Variants in ULK4 observed in about 807,000 individuals in gnomAD.
ULK4 encodes the protein unc-51 like kinase 4.
Under a neutral mutation model 160.6 loss-of-function variants are expected in ULK4, and 133 were observed. That is an observed-to-expected ratio of 0.83 (90% CI 0.72 to 0.96). The LOEUF is 0.96. Among genes scored for constraint, ULK4 ranks in the 40% least tolerant of loss-of-function variants. The pLI is 0.00. For synonymous variants in ULK4, 534 were observed against 539.8 expected, an observed-to-expected ratio of 0.99 and a Z score of 0.15; for missense variants, 1,580 against 1,499.5, an observed-to-expected ratio of 1.05 and a Z score of -0.89.
intron 31 of ULK4, among the ~76,000 whole-genome samples, chr3:41,591,010 A>G (rs76165739): frequency 0.085 from 13,003 of 152,158 alleles, 1,017 homozygotes; most frequent in East Asian, 0.46. Context: ...TCACAAACAC[A>G]CATATGTACA....
At chr3:41,532,835 C>T (rs1023396790) in intron 32 of ULK4, among the ~76,000 whole-genome samples, 1 of 152,114 alleles carries the variant, frequency 6.6e-6, no homozygotes, top group African/African-American at 2.4e-5. Flanking sequence ...TGTAGAGTTC[C>T]GATTCCAAAC....
At chr3:41,860,790 TCTTC>T (rs141422818) in intron 17 of ULK4, among the ~76,000 whole-genome samples, 18,808 of 152,206 alleles carry the variant, frequency 0.12, 1,340 homozygotes, top group Middle Eastern at 0.27. Context: ...TGTGATCTTC[TCTTC>T]CTTCTTTCTT....
intron 31 of ULK4, among the ~76,000 whole-genome samples, chr3:41,613,569 C>A (rs1322546896): frequency 1.3e-5 from 2 of 151,774 alleles, no homozygotes; most frequent in African/African-American, 4.8e-5. Flanking sequence ...TTATATCTAG[C>A]TTGGTGACAA....
chr3:41,491,147 C>T (rs916261299), intron 32 of ULK4, among the ~76,000 whole-genome samples: 4 of 152,094 alleles, frequency 2.6e-5, no homozygotes, highest in East Asian at 1.9e-4. Flanking sequence ...CAGAGGCAGA[C>T]GGCCTTAAAC....
chr3:41,798,336 T>C (rs895154625), intron 20 of ULK4, among the ~76,000 whole-genome samples: 7 of 152,344 alleles, frequency 4.6e-5, no homozygotes, highest in Admixed American at 4.6e-4. Flanking sequence ...CTCAAGAAAG[T>C]TCACTGGTAT....
At chr3:41,765,853 C>A (rs1257804162) in intron 21 of ULK4, among the ~76,000 whole-genome samples, 3 of 152,022 alleles carry the variant, frequency 2.0e-5, no homozygotes, top group Non-Finnish European at 4.4e-5. Context: ...TATGAACAGT[C>A]CAGTAAAACA....
At chr3:41,283,572 A>C (rs1457676573) in intron 35 of ULK4, among the ~76,000 whole-genome samples, 1 of 152,160 alleles carries the variant, frequency 6.6e-6, no homozygotes, top group East Asian at 1.9e-4. Flanking sequence ...ACATGTTCTC[A>C]CTCATAGGTG....
chr3:41,418,786 T>C (rs1341487028), intron 34 of ULK4, among the ~76,000 whole-genome samples: 1 of 152,212 alleles, frequency 6.6e-6, no homozygotes, highest in East Asian at 1.9e-4. Context: ...AGTCAGGCAT[T>C]GTCCTGATGC....
intron 32 of ULK4, among the ~76,000 whole-genome samples, chr3:41,489,386 G>A (rs2084665082): frequency 6.6e-6 from 1 of 152,160 alleles, no homozygotes; most frequent in African/African-American, 2.4e-5. Flanking sequence ...ACAGTGGGAT[G>A]GTAATGAGGT....
intron 27 of ULK4, among the ~76,000 whole-genome samples, chr3:41,692,531 C>A (rs1217313522): frequency 6.6e-6 from 1 of 151,552 alleles, no homozygotes; most frequent in Non-Finnish European, 1.5e-5. Context: ...CTATATGCTA[C>A]ATATTTTATG....
intron 22 of ULK4, among the ~76,000 whole-genome samples, chr3:41,737,229 CAGAG>C (rs1388509999): frequency 1.3e-5 from 2 of 151,914 alleles, no homozygotes; most frequent in African/African-American, 4.9e-5. Context: ...AACAGACAAA[CAGAG>C]AGCCAAATCA....
intron 31 of ULK4, among the ~76,000 whole-genome samples, chr3:41,611,752 C>T (rs1456678819): frequency 6.6e-6 from 1 of 152,120 alleles, no homozygotes; most frequent in Non-Finnish European, 1.5e-5. Context: ...GCGTTCTAGA[C>T]TTTTTTTGTT....
intron 32 of ULK4, among the ~76,000 whole-genome samples, chr3:41,558,440 C>T (rs1476667947): frequency 6.6e-6 from 1 of 152,074 alleles, no homozygotes; most frequent in African/African-American, 2.4e-5. Context: ...AGCAGTGGCT[C>T]ATGCCTGTAG....
At chr3:41,307,798 C>G (rs111811253) in intron 35 of ULK4, among the ~76,000 whole-genome samples, 2,029 of 152,276 alleles carry the variant, frequency 0.013, 52 homozygotes, top group African/African-American at 0.046. Flanking sequence ...CCACTGCACT[C>G]TAGCCTGGGT....
In ULK4 at chr3:41,859,244, T is replaced by C. The variant is rs141991733; in HGVS notation, c.1657-23273A>G. On this transcript the variant is annotated intron_variant, in intron 17 of 36. Transcript: ENST00000301831. ...TGTTTAAGGCAACTAATGACCAAAA[T>C]GGGCAAGTCAAGAAAGGTGGTCTGG... 294 of 544,906 alleles carry C rather than the reference T, an allele frequency of 5.4e-4. 1 individual carries two copies. In the African/African-American group the frequency reaches 5.5e-3, roughly 10 times the overall value. The allele number at this position is 544,906 out of a possible 1,614,324, so 33.8% of individuals were successfully genotyped here.
chr3:41,644,673 G>T (rs1449856634), intron 30 of ULK4, among the ~76,000 whole-genome samples: 21 of 150,900 alleles, frequency 1.4e-4, no homozygotes, highest in African/African-American at 3.9e-4. Context: ...TTGTGTCTCT[G>T]CCCGGCTTTG....
intron 32 of ULK4, among the ~76,000 whole-genome samples, chr3:41,510,726 A>T (rs1043604892): frequency 2.6e-5 from 4 of 152,234 alleles, no homozygotes. Context: ...TCTGCTCCTG[A>T]ATGATCATTG....
At chr3:41,283,414 T>C (rs573587869) in intron 35 of ULK4, among the ~76,000 whole-genome samples, 10 of 152,138 alleles carry the variant, frequency 6.6e-5, no homozygotes, top group Admixed American at 2.0e-4. Context: ...CCACCAATGA[T>C]AGACTGGATT....
intron 34 of ULK4, among the ~76,000 whole-genome samples, chr3:41,447,648 G>A (rs2083331669): frequency 6.6e-6 from 1 of 152,154 alleles, no homozygotes; most frequent in East Asian, 1.9e-4. Context: ...TATTTTGACT[G>A]CTCAGAGGCT....
Sources: gnomAD v4.1 joint callset for allele counts (sites outside exome capture counted in the v4.1 genomes callset) on GRCh38, gnomAD v4.1.1 for gene constraint, MANE v1.5 for transcripts, NCBI Gene and HGNC (gene_info 2026-07-23, HGNC 2026-07-21) for gene names.